The following DEPDC1 variants were observed in gnomAD, a reference collection of about 807,000 sequenced individuals.
DEPDC1 encodes the protein DEP domain containing 1.
In DEPDC1, 66 loss-of-function variants were observed where a neutral mutation model predicts 86.8. That is an observed-to-expected ratio of 0.76 (90% CI 0.62 to 0.93). The LOEUF (loss-of-function observed/expected upper bound fraction) is 0.93. DEPDC1 is among the 40% of genes least tolerant of loss of function. The pLI, the probability that DEPDC1 is intolerant of heterozygous loss-of-function variation, is 0.00. For synonymous variants in DEPDC1, 255 were observed against 314.9 expected, an observed-to-expected ratio of 0.81 and a Z score of 2.02; for missense variants, 792 against 935.7, an observed-to-expected ratio of 0.85 and a Z score of 2.00.
At chr1:68,488,312 C>G in intron 5 of DEPDC1, 62 bp downstream of exon 5, 2 of 1,488,282 alleles carry the variant, frequency 1.3e-6, no homozygotes, top group South Asian at 2.9e-5. Flanking sequence ...TCTCTTTACA[C>G]TACTATAGCT....
At chr1:68,483,351 C>T (rs372557772) in intron 7 of DEPDC1, 9 of 510,132 alleles carry the variant, frequency 1.8e-5, no homozygotes, top group Admixed American at 2.0e-5. Flanking sequence ...CCTATTTCAG[C>T]GTATCTGAGT....
rs368748783 is a variant in DEPDC1 at position 68,494,610 on chromosome 1, G to A, written c.134C>T (p.Thr45Ile). The A allele has an allele frequency of 1.7e-5, 27 of 1,613,642 alleles. No individual in the cohort carries two copies. The highest frequency in any genetic ancestry group is 2.2e-5 in the Non-Finnish European group (26 of 1,179,788). Residue 45 changes from threonine (T) to isoleucine (I), a missense_variant, in exon 2 of 12, where the codon ACA becomes ATA. Physicochemically the swap from Thr to Ile is moderately conservative, Grantham distance 89. Coordinates refer to ENST00000456315, the MANE Select transcript of DEPDC1 (RefSeq NM_001114120.3). ...AAGCCAATCCACTGCTTCTCCTGCT[G>A]TGAAACAATTGCCATATTTTTTAAA... ...QHFKKYGNCF[T>I]AGEAVDWLYD...
chr1:68,495,350 A>G (rs763999217), intron 1 of DEPDC1, among the ~76,000 whole-genome samples: 3 of 152,202 alleles, frequency 2.0e-5, no homozygotes, highest in Admixed American at 6.5e-5. Context: ...TTTTACCTCA[A>G]TTAATATTAA....
intron 6 of DEPDC1, among the ~76,000 whole-genome samples, chr1:68,485,923 A>G (rs1646189533): frequency 6.6e-6 from 1 of 152,130 alleles, no homozygotes. Flanking sequence ...CTAGAAAATT[A>G]TACTTGTAAC....
chr1:68,487,537 G>A (rs1273574095), intron 5 of DEPDC1, among the ~76,000 whole-genome samples: 3 of 151,906 alleles, frequency 2.0e-5, no homozygotes, highest in African/African-American at 7.2e-5. Flanking sequence ...AATCTTAAAT[G>A]AGGGAATATA....
intron 9 of DEPDC1, among the ~76,000 whole-genome samples, chr1:68,480,483 C>T (rs552670273): frequency 2.0e-5 from 3 of 152,090 alleles, no homozygotes; most frequent in Non-Finnish European, 2.9e-5. Context: ...CATCTACTCT[C>T]ATAGCTTCAA....
At chr1:68,487,092 A>G (rs1646198105) in intron 5 of DEPDC1, 108 bp from the exon 6 acceptor site, 1 of 903,366 alleles carries the variant, frequency 1.1e-6, no homozygotes, top group East Asian at 3.1e-5. Context: ...ACACATACAC[A>G]TACATGTTAC....
rs1270315967 is a variant in DEPDC1 at position 68,477,061 on chromosome 1, C to T, written c.2307G>A (p.Lys769=). 3 of 1,596,670 alleles carry T rather than the reference C, an allele frequency of 1.9e-6. No homozygotes were observed. The Admixed American group carries it at 5.2e-5, about 28-fold the overall frequency. Residue 769 remains lysine (K), a synonymous_variant, in exon 12 of 12, where the codon AAG becomes AAA. Transcript: ENST00000456315. ...EKRKKLKQFQ[K]EYPLIYQKRF... ...TTTTCTGATATATCAAAGGATATTC[C>T]TTCTGAAACTTAAAAATGAGGTGAG...
chr1:68,491,983 C>T (rs1646232234), intron 2 of DEPDC1, among the ~76,000 whole-genome samples: 1 of 151,186 alleles, frequency 6.6e-6, no homozygotes, highest in Admixed American at 6.6e-5. Context: ...TCTCGAACTC[C>T]TGGGTTCAAG....
intron 7 of DEPDC1, 26 bp downstream of exon 7, chr1:68,483,924 C>T: frequency 5.2e-6 from 7 of 1,339,102 alleles, no homozygotes; most frequent in Non-Finnish European, 7.0e-6. Flanking sequence ...ACAAAATGAA[C>T]TAAAATCAGT....
Position 68,494,694 on chromosome 1 carries a change from C to T in DEPDC1, c.50G>A (p.Trp17Ter). 1.2e-6 allele frequency: 2 copies of T among 1,605,438 alleles called. No individual in the cohort carries two copies. Among genetic ancestry groups the T allele is most frequent in the Non-Finnish European group, 8.5e-7 (1 of 1,175,998 alleles). ...TCGAAAAGATGTGGTAACTTCATTC[C>T]ACTGTAAAAAGAAGGAAAATATTTT... ...PPGPYRATKL[W>*]NEVTTSFRAG... Residue 17 changes from tryptophan to a stop codon, truncating the protein, a stop_gained and splice_region_variant, in exon 2 of 12, where the codon TGG becomes TAG. Transcript: ENST00000456315. LOFTEE classifies it high-confidence loss of function.
At position 68,482,301 on chromosome 1, in the gene DEPDC1, T is replaced by C; in HGVS notation, c.1507A>G (p.Lys503Glu). 1 of 1,612,894 alleles carries C rather than the reference T, an allele frequency of 6.2e-7. No homozygotes were observed. Among genetic ancestry groups the C allele is most frequent in the Non-Finnish European group, 8.5e-7 (1 of 1,179,294 alleles). Residue 503 changes from lysine (K) to glutamate (E), a missense_variant, in exon 8 of 12, where the codon AAG (lysine) becomes GAG (glutamate). Transcript: ENST00000456315. Reference sequence around the variant, plus strand: ...TGAGACCTACAAAGCTGTTTTGACTTGCATTTCCCATTACACAACTCCTCT... The same window carrying C: ...TGAGACCTACAAAGCTGTTTTGACTCGCATTTCCCATTACACAACTCCTCT... Reference protein sequence around the residue: ...DQEELCNGKCKSKQLCRSQSL... With the variant: ...DQEELCNGKCESKQLCRSQSL...
At chr1:68,487,050 TCA>T in intron 5 of DEPDC1, 66 bp from the exon 6 acceptor site, 1 of 1,457,316 alleles carries the variant, frequency 6.9e-7, no homozygotes, top group Non-Finnish European at 9.3e-7. Flanking sequence ...TTTTAAAATA[TCA>T]CACTTACGTG....
At chr1:68,491,812 G>T (rs1646230612) in intron 2 of DEPDC1, among the ~76,000 whole-genome samples, 1 of 151,878 alleles carries the variant, frequency 6.6e-6, no homozygotes, top group Non-Finnish European at 1.5e-5. Context: ...CTGTCACCCA[G>T]GATGGAGTGC....
Position 68,494,485 on chromosome 1 carries a change from C to G in DEPDC1, c.259G>C (p.Asp87His). Residue 87 changes from aspartate (D) to histidine (H), a missense_variant, in exon 2 of 12, where the codon GAT becomes CAT. Physicochemically the swap from Asp to His is moderately conservative, Grantham distance 81. Transcript: ENST00000456315. ...TCTGATCCCCACCTCCCTTTGATAT[C>G]TTCAATTACATGATTCTTAAGAAAT... The part of the protein sequence containing the change: ...RKFLKNHVIE[D>H]IKGRWGSENV... 1 of 1,613,736 alleles carries G rather than the reference C, an allele frequency of 6.2e-7. No individual in the cohort carries two copies. The highest frequency in any genetic ancestry group is 1.3e-5 in the African/African-American group (1 of 75,014).
chr1:68,481,308 A>T, intron 9 of DEPDC1, 132 bp downstream of exon 9: 3 of 775,464 alleles, frequency 3.9e-6, no homozygotes, highest in African/African-American at 1.8e-5. Context: ...AGGAAAGGTT[A>T]AAGAGCCTTT....
At position 68,482,330 on chromosome 1, in the gene DEPDC1, T is replaced by C; in HGVS notation, c.1478A>G (p.Asp493Gly). ...TTTCCCATTACACAACTCCTCTTGG[T>C]CTTGAACAGTCAAAGTAGAGGTTCT... Reference protein sequence around the residue: ...FKRTSTLTVQDQEELCNGKCK... With the variant: ...FKRTSTLTVQGQEELCNGKCK... The change falls in exon 8 of 12, where the codon GAC (aspartate) becomes GGC (glycine). Residue 493 changes from aspartate to glycine, a missense_variant. Physicochemically the swap from Asp to Gly is moderately conservative, Grantham distance 94. Transcript: ENST00000456315. 1 of 1,612,954 alleles carries C rather than the reference T, an allele frequency of 6.2e-7. No individual in the cohort carries two copies. The highest frequency in any genetic ancestry group is 8.5e-7 in the Non-Finnish European group (1 of 1,179,326).
Position 68,482,900 on chromosome 1 carries a change from A to G in DEPDC1, c.911-3T>C, listed in dbSNP as rs780526610. On this transcript the variant is annotated splice_polypyrimidine_tract_variant and splice_region_variant and intron_variant, in intron 7 of 11. Transcript: ENST00000456315. ...AACTGTGATGTAGCCACAAACAACTACCAGGAAATGAAACAAAAATTAAGA... is the reference window on the plus strand; with the variant it reads ...AACTGTGATGTAGCCACAAACAACTGCCAGGAAATGAAACAAAAATTAAGA... 15 of 1,548,052 alleles carry G rather than the reference A, an allele frequency of 9.7e-6. No homozygotes were observed. The highest frequency in any genetic ancestry group is 1.2e-5 in the Non-Finnish European group (14 of 1,152,432).
Position 68,475,833 on chromosome 1 carries a change from C to G in DEPDC1, c.*1099G>C, listed in dbSNP as rs1646111175. 6.6e-6 allele frequency: 1 copy of G among 151,734 alleles called. No individual in the cohort carries two copies. Among genetic ancestry groups the G allele is most frequent in the South Asian group, 2.1e-4 (1 of 4,824 alleles). The allele number at this position is 151,734 out of a possible 1,614,324, so 9.4% of individuals were successfully genotyped here. ...CACTTATAAAAATGTTTATAAAAAG[C>G]ATTTAGGCCATTGATTCTCACAGTT... On this transcript the variant is annotated 3_prime_UTR_variant, in exon 12 of 12. Coordinates refer to ENST00000456315, the MANE Select transcript of DEPDC1 (RefSeq NM_001114120.3).
Sources: gnomAD v4.1 joint callset for allele counts (sites outside exome capture counted in the v4.1 genomes callset) on GRCh38, gnomAD v4.1.1 for gene constraint, MANE v1.5 for transcripts, NCBI Gene and HGNC (gene_info 2026-07-23, HGNC 2026-07-21) for gene names.